Variants in RIC1 observed in about 807,000 individuals in gnomAD.
The protein encoded by RIC1 is guanine nucleotide exchange factor subunit RIC1.
RIC1 carries 88 observed loss-of-function variants against 169.0 expected under a neutral mutation model. The ratio of observed to expected loss-of-function variants is 0.52; its 90% CI spans 0.44 to 0.62. RIC1 has a LOEUF of 0.62. Among genes scored for constraint, RIC1 ranks in the 20% least tolerant of loss-of-function variants. The pLI, the probability that RIC1 is intolerant of heterozygous loss-of-function variation, is 0.00. For synonymous variants in RIC1, 790 were observed against 601.5 expected, an observed-to-expected ratio of 1.31 and a Z score of -4.59; for missense variants, 1,877 against 1,725.5, an observed-to-expected ratio of 1.09 and a Z score of -1.56.
In RIC1 at chr9:5,770,083, G is replaced by A; in HGVS notation, c.3425-4G>A. 1 of 1,608,268 alleles carries A rather than the reference G, an allele frequency of 6.2e-7. No homozygotes were observed. Among genetic ancestry groups the A allele is most frequent in the East Asian group, 2.2e-5 (1 of 44,644 alleles). On this transcript the variant is annotated splice_polypyrimidine_tract_variant and splice_region_variant and intron_variant, in intron 22 of 25. Transcript: ENST00000414202. ...CATTTTTTGTTTTCGGACCCACTCT[G>A]CAGTGGGAGAGCAGCTGTTAAAGTC...
At chr9:5,741,278 G>T (rs1825068291) in intron 8 of RIC1, among the ~76,000 whole-genome samples, 1 of 152,108 alleles carries the variant, frequency 6.6e-6, no homozygotes, top group South Asian at 2.1e-4. Flanking sequence ...TTGGCTTTCT[G>T]CAGTTCAACT....
intron 3 of RIC1, among the ~76,000 whole-genome samples, chr9:5,709,046 G>A (rs1314692777): frequency 3.3e-5 from 5 of 151,866 alleles, no homozygotes; most frequent in African/African-American, 1.2e-4. Flanking sequence ...ACTTGATTTT[G>A]TACACTATAT....
At chr9:5,732,292 A>T (rs936342213) in intron 6 of RIC1, 96 bp from the exon 7 acceptor site, 4 of 936,490 alleles carry the variant, frequency 4.3e-6, no homozygotes, top group Admixed American at 4.2e-5. Flanking sequence ...CAAATAAAGC[A>T]TTATGAAATT....
In RIC1 at chr9:5,653,758, C is replaced by T. The variant is rs7847570; in HGVS notation, c.145-2825C>T. 5.3e-3 allele frequency among the ~76,000 whole-genome samples: 806 copies of T among 151,954 alleles called. 11 individuals carry two copies. Among genetic ancestry groups the T allele is most frequent in the African/African-American group, 0.018 (763 of 41,428 alleles). Reference sequence around the variant, plus strand: ...GACTACAGGTGCACACCACTACGCCCGGCTAATTTTTGTATTTTTAGTAGA... The same window carrying T: ...GACTACAGGTGCACACCACTACGCCTGGCTAATTTTTGTATTTTTAGTAGA... On this transcript the variant is annotated intron_variant, in intron 1 of 25. Coordinates refer to ENST00000414202, the MANE Select transcript of RIC1 (RefSeq NM_020829.4).
Position 5,775,962 on chromosome 9 carries a change from A to G in RIC1, c.*1716A>G, listed in dbSNP as rs930039039. The G allele has an allele frequency of 1.3e-5, 2 of 152,128 alleles. No individual in the cohort carries two copies. Among genetic ancestry groups the G allele is most frequent in the Non-Finnish European group, 1.5e-5 (1 of 67,980 alleles). The allele number at this position is 152,128 out of a possible 1,614,324, so 9.4% of individuals were successfully genotyped here. Reference sequence around the variant, plus strand: ...TGCAGCCCAGCAAGAAACTAAACTGAACTCTCTTCTCCTATCCTAGTCCAT... The same window carrying G: ...TGCAGCCCAGCAAGAAACTAAACTGGACTCTCTTCTCCTATCCTAGTCCAT... On this transcript the variant is annotated 3_prime_UTR_variant, in exon 26 of 26. Transcript: ENST00000414202.
intron 10 of RIC1, among the ~76,000 whole-genome samples, chr9:5,744,740 G>C (rs1269266907): frequency 6.6e-6 from 1 of 152,110 alleles, no homozygotes; most frequent in Non-Finnish European, 1.5e-5. Flanking sequence ...GAGCATTTCA[G>C]ATTTTTGGAT....
At chr9:5,755,067 G>GGTA (rs146842722) in intron 15 of RIC1, 137 bp downstream of exon 15, 5,030 of 480,678 alleles carry the variant, frequency 0.01, 51 homozygotes, top group Non-Finnish European at 0.014. Context: ...GCTTCTTTTA[G>GGTA]GTAGTGGGAT....
intron 6 of RIC1, among the ~76,000 whole-genome samples, chr9:5,728,478 C>T (rs1251148796): frequency 1.3e-5 from 2 of 152,216 alleles, no homozygotes; most frequent in Non-Finnish European, 2.9e-5. Context: ...ATTCCCCGAC[C>T]CCTTGCACTT....
intron 7 of RIC1, among the ~76,000 whole-genome samples, chr9:5,734,574 A>G (rs988969750): frequency 6.7e-6 from 1 of 149,034 alleles, no homozygotes; most frequent in Admixed American, 6.8e-5. Context: ...AAATATGCAT[A>G]CAAAGTAGTA....
intron 21 of RIC1, among the ~76,000 whole-genome samples, chr9:5,766,633 T>A (rs1170463058): frequency 6.6e-6 from 1 of 152,224 alleles, no homozygotes; most frequent in South Asian, 2.1e-4. Context: ...TCACTTAGAA[T>A]AATACTCTCC....
intron 2 of RIC1, among the ~76,000 whole-genome samples, chr9:5,668,540 G>A (rs920926055): frequency 2.6e-5 from 4 of 151,992 alleles, no homozygotes; most frequent in African/African-American, 9.7e-5. Context: ...GATTAATGGT[G>A]CCCCACAGGT....
At chr9:5,634,748 G>T (rs1445606564) in intron 1 of RIC1, among the ~76,000 whole-genome samples, 2 of 151,736 alleles carry the variant, frequency 1.3e-5, no homozygotes, top group Non-Finnish European at 2.9e-5. Context: ...TTTTGCTTTT[G>T]TCACCTGTGC....
chr9:5,719,592 A>T (rs1255739909), intron 4 of RIC1: 1 of 152,270 alleles, frequency 6.6e-6, no homozygotes, highest in Non-Finnish European at 1.5e-5. Context: ...CTGGAACTAT[A>T]CTCCAATACA....
intron 2 of RIC1, among the ~76,000 whole-genome samples, chr9:5,673,690 A>G (rs1820264861): frequency 6.6e-6 from 1 of 151,732 alleles, no homozygotes. Context: ...TGTATCTATG[A>G]ATGTGGAAGA....
At position 5,774,293 on chromosome 9, in the gene RIC1, G is replaced by T; in HGVS notation, c.*47G>T. On this transcript the variant is annotated 3_prime_UTR_variant, in exon 26 of 26. Coordinates refer to ENST00000414202, the MANE Select transcript of RIC1 (RefSeq NM_020829.4). ...GGGCAGTATTAATTAGCAGCAGCGTGCAGCTCAGTACGTTGTAACATAGTT... is the reference window on the plus strand; with the variant it reads ...GGGCAGTATTAATTAGCAGCAGCGTTCAGCTCAGTACGTTGTAACATAGTT... 3 of 1,523,244 alleles carry T rather than the reference G, an allele frequency of 2.0e-6. No individual in the cohort carries two copies. The highest frequency in any genetic ancestry group is 2.7e-6 in the Non-Finnish European group (3 of 1,121,560). The allele number at this position is 1,523,244 out of a possible 1,614,324, so 94.4% of individuals were successfully genotyped here.
At position 5,652,141 on chromosome 9, in the gene RIC1, T is replaced by C. The variant is rs565983764; in HGVS notation, c.145-4442T>C. On this transcript the variant is annotated intron_variant, in intron 1 of 25. Transcript: ENST00000414202. ...TGTAGTATATTTTGAAGTCAGGTAG[T>C]GTAATTCCACTAACTTTGTTATTTT... Among the ~76,000 whole-genome samples the C allele has an allele frequency of 9.5e-4, 145 of 152,338 alleles. 1 individual carries two copies. The highest frequency in any genetic ancestry group is 3.3e-3 in the African/African-American group (139 of 41,572).
intron 4 of RIC1, chr9:5,719,260 C>G (rs1823447205): frequency 6.6e-6 from 1 of 152,190 alleles, no homozygotes; most frequent in Non-Finnish European, 1.5e-5. Context: ...CCTCTTCTTG[C>G]CTCCTTTGCA....
intron 3 of RIC1, among the ~76,000 whole-genome samples, chr9:5,699,298 C>T (rs1439334806): frequency 1.3e-5 from 2 of 152,152 alleles, no homozygotes; most frequent in Non-Finnish European, 2.9e-5. Context: ...CTGCATGGCC[C>T]CAGTCTGAGC....
At chr9:5,673,620 A>C (rs1012890195) in intron 2 of RIC1, among the ~76,000 whole-genome samples, 1 of 149,674 alleles carries the variant, frequency 6.7e-6, no homozygotes, top group Admixed American at 6.7e-5. Flanking sequence ...AAGAATAGCA[A>C]AGTAAATAAG....
Sources: gnomAD v4.1 joint callset for allele counts (sites outside exome capture counted in the v4.1 genomes callset) on GRCh38, gnomAD v4.1.1 for gene constraint, MANE v1.5 for transcripts, NCBI Gene and HGNC (gene_info 2026-07-23, HGNC 2026-07-21) for gene names.